Variants in DMD observed in about 807,000 individuals in gnomAD.
DMD encodes mutant dystrophin.
In DMD, 63 loss-of-function variants were observed where a neutral mutation model predicts 330.1. That is an observed-to-expected ratio of 0.19 (90% CI 0.16 to 0.24). The LOEUF is 0.24. Ranked by LOEUF, DMD falls within the 10% of genes least tolerant of loss-of-function variation. The probability of loss-of-function intolerance (pLI) is 1.00; values close to 1 mark genes in which losing one functional copy is unlikely to be tolerated. For synonymous variants in DMD, 1,223 were observed against 959.8 expected, an observed-to-expected ratio of 1.27 and a Z score of -5.07; for missense variants, 3,344 against 2,684.1, an observed-to-expected ratio of 1.25 and a Z score of -5.43.
rs933956574 is a variant in DMD at position 31,482,781 on chromosome X, GA to G, written c.8548-3679del. Reference sequence around the variant, plus strand: ...AGAGGATAACAAGACAAAGGGATAAGAAGTTCTTTTTAGCATAGGAATGATT... The same window carrying G: ...AGAGGATAACAAGACAAAGGGATAAGAGTTCTTTTTAGCATAGGAATGATT... On this transcript the variant is annotated intron_variant, in intron 57 of 78. Coordinates refer to ENST00000357033, the MANE Select transcript of DMD (RefSeq NM_004006.3). Among the ~76,000 whole-genome samples, 3 of 111,871 alleles carry G rather than the reference GA, an allele frequency of 2.7e-5. No individual in the cohort carries two copies. In the Admixed American group the frequency reaches 2.9e-4, roughly 11 times the overall value.
At chrX:33,191,195 T>C (rs1395542282) in intron 1 of DMD, among the ~76,000 whole-genome samples, 1 of 103,600 alleles carries the variant, frequency 9.7e-6, no homozygotes, top group African/African-American at 3.5e-5. Context: ...AAGGCTCTTA[T>C]CTGGGATATA....
At chrX:32,507,233 G>C (rs947939740) in intron 18 of DMD, among the ~76,000 whole-genome samples, 7 of 111,057 alleles carry the variant, frequency 6.3e-5, no homozygotes, top group African/African-American at 2.3e-4. Flanking sequence ...ACACATAAAG[G>C]AACAATGACA....
intron 7 of DMD, among the ~76,000 whole-genome samples, chrX:32,761,116 C>A (rs1006896131): frequency 8.9e-6 from 1 of 111,954 alleles, no homozygotes; most frequent in Admixed American, 9.5e-5. Context: ...AAGATGTTTA[C>A]AAGTGTCATT....
intron 2 of DMD, among the ~76,000 whole-genome samples, chrX:32,998,006 A>T (rs1410655684): frequency 9.0e-6 from 1 of 111,293 alleles, no homozygotes; most frequent in East Asian, 2.8e-4. Context: ...TGTGTATGTT[A>T]GTAAACTTTA....
At chrX:32,363,025 G>C (rs1482396518) in intron 36 of DMD, 67 bp from the exon 37 acceptor site, 12 of 1,016,796 alleles carry the variant, frequency 1.2e-5, no homozygotes, top group Admixed American at 5.2e-5. Flanking sequence ...TAGAAAAAGA[G>C]AGCCAAACAG....
At position 31,323,334 on chromosome X, in the gene DMD, A is replaced by T. The variant is rs7053818; in HGVS notation, c.9224+264T>A. On this transcript the variant is annotated intron_variant, in intron 62 of 78. Coordinates refer to ENST00000357033, the MANE Select transcript of DMD (RefSeq NM_004006.3). ...AAAATTATCTGGAGCTTTTGGTTCT[A>T]TTGTGAAAAATCCGCCCCCTCTGTC... Among the ~76,000 whole-genome samples the T allele has an allele frequency of 0.054, 5,996 of 111,864 alleles. 371 individuals are homozygous for T. The highest frequency in any genetic ancestry group is 0.18 in the African/African-American group (5,398 of 30,668).
intron 55 of DMD, among the ~76,000 whole-genome samples, chrX:31,548,392 G>A (rs1471366858): frequency 1.8e-5 from 2 of 110,687 alleles, no homozygotes; most frequent in Admixed American, 9.7e-5. Context: ...TTTTCTTCTG[G>A]TCATGATTCC....
At chrX:33,090,742 C>A (rs2148307019) in intron 1 of DMD, among the ~76,000 whole-genome samples, 1 of 110,458 alleles carries the variant, frequency 9.1e-6, no homozygotes, top group East Asian at 2.8e-4. Context: ...CTGTAGGTAG[C>A]TTTTTGTGGT....
chrX:31,705,758 C>A (rs1284283245), intron 52 of DMD, among the ~76,000 whole-genome samples: 1 of 111,694 alleles, frequency 9.0e-6, no homozygotes, highest in Non-Finnish European at 1.9e-5. Context: ...TTATAATTAT[C>A]CCTCATGATG....
At chrX:32,303,986 G>T (rs2097532310) in intron 42 of DMD, among the ~76,000 whole-genome samples, 1 of 111,180 alleles carries the variant, frequency 9.0e-6, no homozygotes, top group African/African-American at 3.3e-5. Flanking sequence ...TGGCTCTATG[G>T]TAAGGTGACC....
intron 43 of DMD, among the ~76,000 whole-genome samples, chrX:32,221,064 G>C (rs1035273294): frequency 9.0e-6 from 1 of 111,320 alleles, no homozygotes; most frequent in African/African-American, 3.3e-5. Context: ...TCTAAATCAA[G>C]TTAGTCAGAT....
rs1388329989 is a variant in DMD, at chrX:32,518,093, G to A, written c.2207C>T (p.Thr736Ile). 8.3e-7 allele frequency: 1 copy of A among 1,208,624 alleles called. No homozygotes were observed. The highest frequency in any genetic ancestry group is 1.1e-6 in the Non-Finnish European group (1 of 894,193). ...VDITELHSWITRSEAVLQSPE... is the reference protein window; with the variant it reads ...VDITELHSWIIRSEAVLQSPE... ...ACTCTGCAACACAGCTTCTGAGCGA[G>A]TAATCCAGCTGTGAAGTTCAGTTAT... The change falls in exon 18 of 79, where the codon ACT becomes ATT. Residue 736 changes from threonine (T) to isoleucine (I), a missense_variant. By Grantham distance (89) the Thr-to-Ile change is moderately conservative. Transcript: ENST00000357033.
chrX:33,213,097 C>G (rs1394187577), upstream of DMD, among the ~76,000 whole-genome samples: 1 of 111,429 alleles, frequency 9.0e-6, no homozygotes, highest in East Asian at 2.8e-4. Flanking sequence ...TGACACGAGA[C>G]CTCAAAAGTC....
At chrX:32,410,264 A>G (rs142628995) in intron 30 of DMD, among the ~76,000 whole-genome samples, 3,449 of 111,390 alleles carry the variant, frequency 0.031, 124 homozygotes, top group African/African-American at 0.11. Context: ...TGAGGATTTT[A>G]TCATCAGGAT....
intron 27 of DMD, among the ~76,000 whole-genome samples, chrX:32,447,067 G>A (rs1319021212): frequency 9.0e-6 from 1 of 110,554 alleles, no homozygotes; most frequent in South Asian, 3.7e-4. Context: ...TGAACAACAT[G>A]AATAATAGGG....
At chrX:31,191,793 T>C (rs1213112162) in intron 67 of DMD, among the ~76,000 whole-genome samples, 1 of 112,092 alleles carries the variant, frequency 8.9e-6, no homozygotes, top group African/African-American at 3.2e-5. Context: ...TCATTTGCTA[T>C]TTTCATTAGT....
intron 44 of DMD, among the ~76,000 whole-genome samples, chrX:32,111,737 C>A (rs1030607262): frequency 9.0e-6 from 1 of 111,314 alleles, no homozygotes; most frequent in Admixed American, 9.6e-5. Flanking sequence ...CTCACACAAT[C>A]CCTGTGATTC....
intron 29 of DMD, among the ~76,000 whole-genome samples, chrX:32,423,413 C>A (rs2098198614): frequency 9.1e-6 from 1 of 109,644 alleles, no homozygotes; most frequent in Non-Finnish European, 1.9e-5. Flanking sequence ...ATATTAAATA[C>A]TTAAATATTA....
At position 31,474,278 on chromosome X, in the gene DMD, G is replaced by A. The variant is rs146565100; in HGVS notation, c.8937+3828C>T. Among the ~76,000 whole-genome samples, 356 of 111,622 alleles carry A rather than the reference G, an allele frequency of 3.2e-3. 3 individuals carry two copies. The highest frequency in any genetic ancestry group is 0.014 in the Middle Eastern group (3 of 216). On this transcript the variant is annotated intron_variant, in intron 59 of 78. Coordinates refer to ENST00000357033, the MANE Select transcript of DMD (RefSeq NM_004006.3). ...ACATTTGCTAATACAATTACAGAAT[G>A]CTAAATCTCACAGAAACACATATTA...
Sources: gnomAD v4.1 joint callset for allele counts (sites outside exome capture counted in the v4.1 genomes callset) on GRCh38, gnomAD v4.1.1 for gene constraint, MANE v1.5 for transcripts, NCBI Gene and HGNC (gene_info 2026-07-23, HGNC 2026-07-21) for gene names.